Variants in CFAP74 observed in about 807,000 individuals in gnomAD.
The protein encoded by CFAP74 is cilia and flagella associated protein 74, also known as cilia- and flagella-associated protein 74.
In CFAP74, 124 loss-of-function variants were observed where a neutral mutation model predicts 188.9. That is an observed-to-expected ratio of 0.66 (90% confidence interval 0.57 to 0.76). The LOEUF (loss-of-function observed/expected upper bound fraction) is 0.76. Ranked by LOEUF, CFAP74 falls within the 30% of genes least tolerant of loss-of-function variation. The pLI is 0.00. For synonymous variants in CFAP74, 956 were observed against 916.7 expected (o/e 1.04, Z -0.77); for missense variants, 2,198 against 2,165.2 (o/e 1.02, Z -0.30).
At chr1:1,970,144 G>A (rs1450165011) in intron 10 of CFAP74, among the ~76,000 whole-genome samples, 2 of 152,218 alleles carry the variant, frequency 1.3e-5, no homozygotes, top group African/African-American at 2.4e-5. Flanking sequence ...AGTGAAGCCA[G>A]AAGCAACGTG....
At chr1:1,966,641 C>T (rs924065032) in intron 11 of CFAP74, 115 bp from the exon 12 acceptor site, 74 of 954,008 alleles carry the variant, frequency 7.8e-5, no homozygotes, top group Non-Finnish European at 1.0e-4. Flanking sequence ...TCTTCTGCCT[C>T]ACGTACTCTG....
chr1:1,985,445 T>C lies in CFAP74; in HGVS notation c.441A>G (p.Ala147=), dbSNP rs1278367489. ...RLQAVSRRLF[A]ELENERDLQS... ...GCAGGTCTCTCTCGTTCTCCAGCTC[T>C]GCAAACAGGCGTCTGGACACGGCCT... Residue 147 remains alanine (A), a synonymous_variant, in exon 6 of 39, where the codon GCA becomes GCG. Transcript: ENST00000682832. 5.0e-6 allele frequency: 8 copies of C among 1,613,974 alleles called. No homozygotes were observed. The highest frequency in any genetic ancestry group is 6.8e-6 in the Non-Finnish European group (8 of 1,180,044).
At chr1:1,994,820 C>G (rs1657828491) in intron 1 of CFAP74, among the ~76,000 whole-genome samples, 1 of 152,158 alleles carries the variant, frequency 6.6e-6, no homozygotes, top group South Asian at 2.1e-4. Context: ...CTCCTGAGTC[C>G]TCACTAACAA....
chr1:1,992,007 T>C lies in CFAP74; in HGVS notation c.-19-1032A>G, dbSNP rs538927288. Among the ~76,000 whole-genome samples, 236 of 149,214 alleles carry C rather than the reference T, an allele frequency of 1.6e-3. 2 individuals carry two copies. The highest frequency in any genetic ancestry group is 2.9e-3 in the Non-Finnish European group (194 of 67,874). On this transcript the variant is annotated intron_variant, in intron 1 of 38. Transcript: ENST00000682832. Reference sequence around the variant, plus strand: ...GTGAGCCGAGATCGCGCCACTGCACTCCAGCCTGGGTGACAGAGCGAGACT... The same window carrying C: ...GTGAGCCGAGATCGCGCCACTGCACCCCAGCCTGGGTGACAGAGCGAGACT...
intron 14 of CFAP74, among the ~76,000 whole-genome samples, chr1:1,963,182 G>A (rs1432660061): frequency 6.6e-6 from 1 of 152,134 alleles, no homozygotes; most frequent in East Asian, 1.9e-4. Flanking sequence ...AAGGTGTGGT[G>A]GCTCATGCCT....
chr1:1,951,489 C>G (rs567151132), intron 18 of CFAP74, among the ~76,000 whole-genome samples: 3 of 152,262 alleles, frequency 2.0e-5, no homozygotes, highest in African/African-American at 7.2e-5. Flanking sequence ...TTTTTGGATT[C>G]TCTTGTTCCG....
In CFAP74 at chr1:1,974,109, C is replaced by A. The variant is rs367581557; in HGVS notation, c.590G>T (p.Arg197Leu). The part of the protein sequence containing the change: ...DREEVEATGR[R>L]LQVRAAEQLC... ...CTGCTCGGCTGCGCGCACCTGGAGC[C>A]GCCGCCCCGTGGCCTCCACCTCCTC... The change falls in exon 7 of 39, where the codon CGG becomes CTG. Residue 197 changes from arginine (R) to leucine (L), a missense_variant. Physicochemically the swap from Arg to Leu is moderately radical, Grantham distance 102 (BLOSUM62 -2). Coordinates refer to ENST00000682832, the MANE Select transcript of CFAP74 (RefSeq NM_001304360.2). The A allele has an allele frequency of 6.2e-7, 1 of 1,612,322 alleles. No homozygotes were observed. The highest frequency in any genetic ancestry group is 1.1e-5 in the South Asian group (1 of 90,918).
chr1:1,971,193 G>A (rs940500932), intron 9 of CFAP74, among the ~76,000 whole-genome samples: 7 of 140,400 alleles, frequency 5.0e-5, no homozygotes, highest in Non-Finnish European at 3.0e-5. Flanking sequence ...GTGCACAGAC[G>A]TGCTTACATG....
At chr1:1,940,204 G>A in intron 23 of CFAP74, 112 bp downstream of exon 23, 1 of 828,230 alleles carries the variant, frequency 1.2e-6, no homozygotes, top group South Asian at 1.5e-5. Context: ...TGGAAGGCAA[G>A]TGAGGATGAG....
At chr1:1,970,851 G>A in intron 9 of CFAP74, 35 bp from the exon 10 acceptor site, 3 of 1,609,740 alleles carry the variant, frequency 1.9e-6, no homozygotes, top group Non-Finnish European at 1.7e-6. Flanking sequence ...GACAGCAGCA[G>A]CACCCACGGG....
At chr1:1,937,789 G>A (rs995817028) in intron 25 of CFAP74, among the ~76,000 whole-genome samples, 15 of 144,636 alleles carry the variant, frequency 1.0e-4, no homozygotes, top group Admixed American at 4.2e-4. Context: ...GGCTCAGGGA[G>A]GTGCAGAGAC....
rs758021880 is a variant in CFAP74, at chr1:1,988,875, AT to A, written c.152+13del. 5.9e-6 allele frequency: 5 copies of A among 853,744 alleles called. No homozygotes were observed. Among genetic ancestry groups the A allele is most frequent in the Middle Eastern group, 2.7e-4 (1 of 3,638 alleles). 52.9% of individuals were successfully genotyped at this position (853,744 alleles called of 1,614,324 possible). On this transcript the variant is annotated intron_variant, in intron 3 of 38. Transcript: ENST00000682832. ...CCCCCCACACCCACCTCCACCCCCG[AT>A]CCTCCGAGTTACCTGCTGTGTCCCG...
intron 22 of CFAP74, 142 bp downstream of exon 22, chr1:1,941,886 T>G: frequency 1.1e-6 from 1 of 886,420 alleles, no homozygotes; most frequent in Non-Finnish European, 1.5e-6. Flanking sequence ...CCCAGCGTCA[T>G]GGCCTCTGCC....
intron 6 of CFAP74, among the ~76,000 whole-genome samples, chr1:1,977,568 G>T (rs1388595087): frequency 6.6e-6 from 1 of 150,952 alleles, no homozygotes; most frequent in Non-Finnish European, 1.5e-5. Flanking sequence ...GGAGAAGAAT[G>T]TAGCCAATCT....
chr1:1,926,915 C>A lies in CFAP74; in HGVS notation c.3641G>T (p.Gly1214Val). Residue 1214 changes from glycine to valine, a missense_variant, in exon 29 of 39, where the codon GGG (glycine) becomes GTG (valine). Transcript: ENST00000682832. ...GCACCTGAAGCTCAGGGGTTCTGAC[C>A]CCTTCCTGTCTTTGATGTCGCCACT... is the stretch of plus-strand genomic sequence containing the variant. ...VASGDIKDRK[G>V]SEPLSFSPHN... is the part of the protein sequence containing the mutation. 1 of 1,550,206 alleles carries A rather than the reference C, an allele frequency of 6.5e-7. No homozygotes were observed. The highest frequency in any genetic ancestry group is 8.7e-7 in the Non-Finnish European group (1 of 1,146,878).
chr1:1,971,868 G>A, intron 9 of CFAP74, 112 bp downstream of exon 9: 1 of 810,640 alleles, frequency 1.2e-6, no homozygotes, highest in Non-Finnish European at 2.0e-6. Context: ...CAAGTGCGCG[G>A]GTCAGCCCTG....
At position 1,970,692 on chromosome 1, in the gene CFAP74, T is replaced by C. The variant is rs768801921; in HGVS notation, c.1013A>G (p.Gln338Arg). The change falls in exon 10 of 39, where the codon CAG becomes CGG. Residue 338 changes from glutamine (Q) to arginine (R), a missense_variant. Transcript: ENST00000682832. ...GRDAFRHLVH[Q>R]RRRQELEAQK... ...GGCCTCCAGCTCCTGGCGCCGGCGC[T>C]GGTGGACAAGGTGCCTGAATGCATC... 8 of 1,613,442 alleles carry C rather than the reference T, an allele frequency of 5.0e-6. No individual in the cohort carries two copies. The highest frequency in any genetic ancestry group is 5.9e-6 in the Non-Finnish European group (7 of 1,179,726).
At chr1:1,961,336 C>T (rs997198994) in intron 14 of CFAP74, among the ~76,000 whole-genome samples, 7 of 152,140 alleles carry the variant, frequency 4.6e-5, no homozygotes, top group African/African-American at 1.2e-4. Flanking sequence ...CCACACCAGA[C>T]GCACAGCAGA....
In CFAP74 at chr1:1,940,977, G is replaced by T. The variant is rs1287988707; in HGVS notation, c.2616-574C>A. On this transcript the variant is annotated intron_variant, in intron 22 of 38. Coordinates refer to ENST00000682832, the MANE Select transcript of CFAP74 (RefSeq NM_001304360.2). ...AAATACAAAAAATTAGCCGGGCGTG[G>T]TGGCGGGCGCCTGTAGTCCCAGCTA... 1.3e-5 allele frequency among the ~76,000 whole-genome samples: 2 copies of T among 152,102 alleles called. 1 individual carries two copies. The highest frequency in any genetic ancestry group is 4.1e-4 in the South Asian group (2 of 4,830).
Sources: gnomAD v4.1 joint callset for allele counts (sites outside exome capture counted in the v4.1 genomes callset) on GRCh38, gnomAD v4.1.1 for gene constraint, MANE v1.5 for transcripts, NCBI Gene and HGNC (gene_info 2026-07-23, HGNC 2026-07-21) for gene names.